The following ANKRD11 variants were observed in gnomAD, a reference collection of about 807,000 sequenced individuals.
ANKRD11 encodes ankyrin repeat domain-containing protein 11.
In ANKRD11, 17 loss-of-function variants were observed where a neutral mutation model predicts 195.7. The observed-to-expected ratio is 0.09, with a 90% confidence interval of 0.06 to 0.13. The LOEUF (loss-of-function observed/expected upper bound fraction) is 0.13, where lower values mean the gene tolerates loss of function less well. Ranked by LOEUF, ANKRD11 falls within the 10% of genes least tolerant of loss-of-function variation. The probability of loss-of-function intolerance (pLI) is 1.00; values close to 1 mark genes in which losing one functional copy is unlikely to be tolerated. For synonymous variants in ANKRD11, 1,953 were observed against 1,528.1 expected (o/e 1.28, Z -6.49); for missense variants, 3,735 against 3,566.1 (o/e 1.05, Z -1.21).
chr16:89,419,760 T>C (rs2042438237), intron 1 of ANKRD11, among the ~76,000 whole-genome samples: 1 of 152,122 alleles, frequency 6.6e-6, no homozygotes, highest in Non-Finnish European at 1.5e-5. Flanking sequence ...GGCACATGCG[T>C]TTTGCAAAGA....
In ANKRD11 at chr16:89,425,617, G is replaced by T. The variant is rs1023618664; in HGVS notation, c.-144-7249C>A. On this transcript the variant is annotated intron_variant, in intron 1 of 12. Coordinates refer to ENST00000301030, the MANE Select transcript of ANKRD11 (RefSeq NM_013275.6). ...TCGGTCGGTCTCCTTCGTTTTTTCA[G>T]GTTGGGGGCGGACAAGGTGGGCCGG... 1.8e-4 allele frequency among the ~76,000 whole-genome samples: 27 copies of T among 152,308 alleles called. No homozygotes were observed. In the East Asian group the frequency reaches 5.0e-3, roughly 28 times the overall value.
chr16:89,325,310 T>C (rs980421209), intron 2 of ANKRD11, among the ~76,000 whole-genome samples: 3 of 152,118 alleles, frequency 2.0e-5, no homozygotes, highest in Admixed American at 6.6e-5. Context: ...CTGTGGTGCA[T>C]GCTGGCGGTC....
At chr16:89,442,356 G>T (rs767468253) in intron 1 of ANKRD11, among the ~76,000 whole-genome samples, 1 of 152,200 alleles carries the variant, frequency 6.6e-6, no homozygotes, top group Non-Finnish European at 1.5e-5. Context: ...ATGCAGTAGA[G>T]CTTCTCTAGA....
At position 89,281,189 on chromosome 16, in the gene ANKRD11, T is replaced by C. The variant is rs2034204528; in HGVS notation, c.5353A>G (p.Thr1785Ala). ...ACAGAGACCGAGCGGTAAAGGTTTGTGGAGAGAGGCCTGGCAGGAGCCTGG... is the reference window on the plus strand; with the variant it reads ...ACAGAGACCGAGCGGTAAAGGTTTGCGGAGAGAGGCCTGGCAGGAGCCTGG... ...ASQAPARPLS[T>A]NLYRSVSVDI... Residue 1785 changes from threonine (T) to alanine (A), a missense_variant, in exon 9 of 13, where the codon ACA becomes GCA. Coordinates refer to ENST00000301030, the MANE Select transcript of ANKRD11 (RefSeq NM_013275.6). The surrounding 1 kb of genome is among the most constrained non-coding windows in gnomAD (Gnocchi z 5.5). 1.9e-6 allele frequency: 3 copies of C among 1,613,788 alleles called. No homozygotes were observed. Among genetic ancestry groups the C allele is most frequent in the Non-Finnish European group, 2.5e-6 (3 of 1,179,970 alleles).
chr16:89,354,117 G>A (rs1020009411), intron 2 of ANKRD11, among the ~76,000 whole-genome samples: 1 of 152,040 alleles, frequency 6.6e-6, no homozygotes, highest in African/African-American at 2.4e-5. Flanking sequence ...CGCCTGCAAG[G>A]TCACTCCACT....
At chr16:89,300,364 T>A (rs1441108085) in intron 4 of ANKRD11, 3 of 200,510 alleles carry the variant, frequency 1.5e-5, no homozygotes. Flanking sequence ...CACACTGAGC[T>A]GAGGCCACTG....
intron 1 of ANKRD11, among the ~76,000 whole-genome samples, chr16:89,430,470 C>G (rs1246522917): frequency 6.6e-6 from 1 of 151,058 alleles, no homozygotes; most frequent in Non-Finnish European, 1.5e-5. Context: ...TAGTACACAG[C>G]AGGGACTCTC....
chr16:89,314,166 T>C (rs1278504395), intron 3 of ANKRD11, among the ~76,000 whole-genome samples: 3 of 151,706 alleles, frequency 2.0e-5, no homozygotes, highest in African/African-American at 7.3e-5. Context: ...TGGGGCAGGG[T>C]GGGGGGTTAT....
intron 1 of ANKRD11, among the ~76,000 whole-genome samples, chr16:89,439,052 C>T (rs1416687859): frequency 6.7e-6 from 1 of 149,864 alleles, no homozygotes; most frequent in Non-Finnish European, 1.5e-5. Flanking sequence ...AAAAACAAAA[C>T]CAAAAAAAAA....
At chr16:89,423,526 A>G (rs1168824172) in intron 1 of ANKRD11, among the ~76,000 whole-genome samples, 1 of 152,210 alleles carries the variant, frequency 6.6e-6, no homozygotes, top group Non-Finnish European at 1.5e-5. Flanking sequence ...AACTTCAAAT[A>G]CATGCACAGA....
rs988687632 is a variant in ANKRD11 at position 89,321,578 on chromosome 16, G to C, written c.-59-4500C>G. Among the ~76,000 whole-genome samples the C allele has an allele frequency of 8.0e-4, 121 of 152,124 alleles. 1 individual carries two copies. The highest frequency in any genetic ancestry group is 2.8e-3 in the African/African-American group (116 of 41,542). ...GAGTCCGTGGACCATGGAGACTCAC[G>C]GGTCCCCTCGGGCCTTCTGAACCCA... On this transcript the variant is annotated intron_variant, in intron 2 of 12. Coordinates refer to ENST00000301030, the MANE Select transcript of ANKRD11 (RefSeq NM_013275.6).
intron 1 of ANKRD11, among the ~76,000 whole-genome samples, chr16:89,434,323 C>T (rs901649009): frequency 2.2e-4 from 33 of 152,198 alleles, no homozygotes; most frequent in African/African-American, 4.8e-5. Context: ...CTCACCCAAA[C>T]TCCCAGTCAT....
chr16:89,386,965 G>A (rs534728780), intron 2 of ANKRD11, among the ~76,000 whole-genome samples: 1 of 152,144 alleles, frequency 6.6e-6, no homozygotes, highest in South Asian at 2.1e-4. Context: ...AGTGAGGGCA[G>A]GAGGGTGGCC....
At chr16:89,301,707 G>A (rs2035865127) in intron 4 of ANKRD11, 1 of 398,540 alleles carries the variant, frequency 2.5e-6, no homozygotes, top group Non-Finnish European at 4.4e-6. Flanking sequence ...GCTGTGCAGG[G>A]ACCACGCGGA....
chr16:89,475,300 C>G (rs998832091), intron 1 of ANKRD11, among the ~76,000 whole-genome samples: 11 of 152,144 alleles, frequency 7.2e-5, no homozygotes, highest in African/African-American at 2.7e-4. Context: ...CCTGAGGCTC[C>G]GTGGCCAAGC....
intron 2 of ANKRD11, among the ~76,000 whole-genome samples, chr16:89,371,767 G>T (rs1195406686): frequency 6.6e-6 from 1 of 152,196 alleles, no homozygotes; most frequent in Non-Finnish European, 1.5e-5. Flanking sequence ...GGATGACGGA[G>T]AGGAGAGGTG....
At chr16:89,440,894 G>A (rs920829932) in intron 1 of ANKRD11, among the ~76,000 whole-genome samples, 1 of 152,200 alleles carries the variant, frequency 6.6e-6, no homozygotes, top group African/African-American at 2.4e-5. Flanking sequence ...TGGCTGGTGT[G>A]TGTCACAGTC....
chr16:89,380,899 G>A (rs1303239594), intron 2 of ANKRD11, among the ~76,000 whole-genome samples: 2 of 152,246 alleles, frequency 1.3e-5, no homozygotes, highest in Admixed American at 1.3e-4. Flanking sequence ...GTCGTGGGCA[G>A]AGGACAGCTG....
chr16:89,304,598 G>T lies in ANKRD11; in HGVS notation c.226+608C>A, dbSNP rs1379525143. 2.7e-5 allele frequency among the ~76,000 whole-genome samples: 4 copies of T among 149,196 alleles called. No individual in the cohort carries two copies. In the East Asian group the frequency reaches 6.0e-4, roughly 22 times the overall value. On this transcript the variant is annotated intron_variant, in intron 4 of 12. Transcript: ENST00000301030. ...GGTACATACAAGTACATACACACAC[G>T]GGCACACACACGGGCATACATACAG...
Sources: allele counts gnomAD v4.1 joint callset (sites outside exome capture counted in the v4.1 genomes callset), GRCh38; gene constraint gnomAD v4.1.1; non-coding constraint Gnocchi (gnomAD v3.1); transcripts MANE v1.5; gene names NCBI Gene and HGNC (gene_info 2026-07-23, HGNC 2026-07-21).